Variants in DNAH11 observed in about 807,000 individuals in gnomAD.
DNAH11 encodes dynein axonemal heavy chain 11.
DNAH11 carries 442 observed loss-of-function variants against 526.0 expected under a neutral mutation model. The observed-to-expected ratio is 0.84, with a 90% CI of 0.78 to 0.91. The LOEUF (loss-of-function observed/expected upper bound fraction) is 0.91. DNAH11 is among the 40% of genes least tolerant of loss of function. The pLI, the probability that DNAH11 is intolerant of heterozygous loss-of-function variation, is 0.00. For synonymous variants in DNAH11, 2,461 were observed against 1,935.9 expected, an observed-to-expected ratio of 1.27 and a Z score of -7.12; for missense variants, 6,989 against 5,448.7, an observed-to-expected ratio of 1.28 and a Z score of -8.90.
At chr7:21,592,375 A>G (rs2128444077) in intron 14 of DNAH11, among the ~76,000 whole-genome samples, 1 of 152,340 alleles carries the variant, frequency 6.6e-6, no homozygotes. Context: ...AACATTCTGG[A>G]GAGCAAAAGT....
intron 35 of DNAH11, among the ~76,000 whole-genome samples, chr7:21,692,815 C>T (rs1055753821): frequency 6.6e-6 from 1 of 152,218 alleles, no homozygotes; most frequent in African/African-American, 2.4e-5. Context: ...TAGTTGCTCA[C>T]ATTCTTGTCA....
intron 14 of DNAH11, among the ~76,000 whole-genome samples, chr7:21,596,310 C>T (rs1448234971): frequency 6.6e-6 from 1 of 152,142 alleles, no homozygotes; most frequent in African/African-American, 2.4e-5. Flanking sequence ...GTGGGCAGGG[C>T]CATGCTCCCT....
intron 25 of DNAH11, among the ~76,000 whole-genome samples, chr7:21,626,623 A>G (rs536864350): frequency 1.9e-4 from 29 of 151,908 alleles, no homozygotes; most frequent in Admixed American, 2.0e-4. Flanking sequence ...ATTTTTGCCT[A>G]TCTTTCTGGT....
Position 21,658,784 on chromosome 7 carries a change from A to C in DNAH11, c.5095-14A>C. On this transcript the variant is annotated splice_polypyrimidine_tract_variant and intron_variant, in intron 29 of 81. Transcript: ENST00000409508. The stretch of plus-strand genomic sequence containing the variant: ...GTTAAGCCTGTGTTATAACATTTCA[A>C]CTTGCTTCCAAAGGTGGAAACATGG... The C allele has an allele frequency of 6.5e-7, 1 of 1,549,402 alleles. No individual in the cohort carries two copies.
Position 21,901,406 on chromosome 7 carries a change from A to ATTCTAACTTTTT in DNAH11, c.*152_*153insTTCTAACTTTTT. 8.9e-7 allele frequency: 1 copy of ATTCTAACTTTTT among 1,121,170 alleles called. No individual in the cohort carries two copies. The highest frequency in any genetic ancestry group is 2.9e-5 in the East Asian group (1 of 34,318). 69.5% of individuals were successfully genotyped at this position (1,121,170 alleles called of 1,614,324 possible). A position where few individuals can be genotyped will look rare whatever the true frequency, so the allele number is the denominator to read the frequency against. ...CTATCCTTAGAGTGAAAGTCAGAAA[A>ATTCTAACTTTTT]AAATACTAGAAACTAACTCAGGGCT... On this transcript the variant is annotated 3_prime_UTR_variant, in exon 82 of 82. Coordinates refer to ENST00000409508, the MANE Select transcript of DNAH11 (RefSeq NM_001277115.2).
chr7:21,793,019 A>C (rs191098096), intron 61 of DNAH11, among the ~76,000 whole-genome samples: 1 of 152,214 alleles, frequency 6.6e-6, no homozygotes, highest in African/African-American at 2.4e-5. Flanking sequence ...GTATTGCTGT[A>C]AGCTTCTCTC....
At position 21,733,140 on chromosome 7, in the gene DNAH11, G is replaced by A. The variant is rs192212037; in HGVS notation, c.7441-2500G>A. ...AGTGACTCAAGCCTGTAATTGCAGC[G>A]CTTTGGGAGGCCGAGGTGGGTGGAT... On this transcript the variant is annotated intron_variant, in intron 45 of 81. Coordinates refer to ENST00000409508, the MANE Select transcript of DNAH11 (RefSeq NM_001277115.2). Among the ~76,000 whole-genome samples, 355 of 152,270 alleles carry A rather than the reference G, an allele frequency of 2.3e-3. 2 individuals carry two copies. The highest frequency in any genetic ancestry group is 6.8e-3 in the African/African-American group (284 of 41,550).
intron 61 of DNAH11, among the ~76,000 whole-genome samples, chr7:21,793,579 G>A (rs1415659048): frequency 1.4e-5 from 2 of 147,148 alleles, no homozygotes; most frequent in Non-Finnish European, 3.0e-5. Flanking sequence ...TCGTGCCATT[G>A]CACTCCAGCC....
Position 21,570,156 on chromosome 7 carries a change from A to G in DNAH11, c.1282A>G (p.Lys428Glu). The change falls in exon 7 of 82, where the codon AAG becomes GAG. Residue 428 changes from lysine to glutamate, a missense_variant. Lys to Glu is a moderately conservative substitution (Grantham distance 56, BLOSUM62 1). Coordinates refer to ENST00000409508, the MANE Select transcript of DNAH11 (RefSeq NM_001277115.2). ...GGTGCAGGTGGCTGTTAACATCTTAAAGACTTTCAAAAACTCCTTTTTCAA... is the reference window on the plus strand; with the variant it reads ...GGTGCAGGTGGCTGTTAACATCTTAGAGACTTTCAAAAACTCCTTTTTCAA... The part of the protein sequence containing the change: ...EKVQVAVNIL[K>E]TFKNSFFNYR... The G allele has an allele frequency of 1.9e-6, 3 of 1,613,452 alleles. No individual in the cohort carries two copies. The highest frequency in any genetic ancestry group is 1.7e-6 in the Non-Finnish European group (2 of 1,179,704).
In DNAH11 at chr7:21,868,980, G is replaced by A. The variant is rs1431407809; in HGVS notation, c.11956G>A (p.Val3986Ile). 2.5e-6 allele frequency: 4 copies of A among 1,613,964 alleles called. No homozygotes were observed. Among genetic ancestry groups the A allele is most frequent in the East Asian group, 2.2e-5 (1 of 44,882 alleles). Reference sequence around the variant, plus strand: ...GAAAGCTTCCAAAGGAGGACACTGGGTCATCCTCCAAGTGAGTATTAAGTT... The same window carrying A: ...GAAAGCTTCCAAAGGAGGACACTGGATCATCCTCCAAGTGAGTATTAAGTT... The part of the protein sequence containing the change: ...LEKASKGGHW[V>I]ILQNVHLVAK... The change falls in exon 73 of 82, where the codon GTC (valine) becomes ATC (isoleucine). Residue 3986 changes from valine to isoleucine, a missense_variant. Val to Ile is a conservative substitution (Grantham distance 29). Coordinates refer to ENST00000409508, the MANE Select transcript of DNAH11 (RefSeq NM_001277115.2).
chr7:21,777,902 A>G (rs1787748396), intron 56 of DNAH11, among the ~76,000 whole-genome samples: 1 of 152,372 alleles, frequency 6.6e-6, no homozygotes, highest in South Asian at 2.1e-4. Flanking sequence ...GCGTCGTTCC[A>G]CAAGATGAAA....
chr7:21,859,300 G>A (rs945637306), intron 68 of DNAH11, among the ~76,000 whole-genome samples: 3 of 152,116 alleles, frequency 2.0e-5, no homozygotes, highest in Admixed American at 2.0e-4. Context: ...TTTTGGTAGA[G>A]ATGGGGTTTC....
chr7:21,894,694 A>G lies in DNAH11; in HGVS notation c.12822A>G (p.Lys4274=). The part of the protein sequence containing the change: ...EEFNMAEIMQ[K]NSNRSPYVLV... ...TCAACATGGCAGAGATAATGCAAAA[A>G]AATTCAAATAGAAGCCCATATGTTC... Residue 4274 remains lysine, a synonymous_variant, in exon 78 of 82, where the codon AAA becomes AAG. Transcript: ENST00000409508. 6.2e-7 allele frequency: 1 copy of G among 1,614,002 alleles called. No homozygotes were observed. Among genetic ancestry groups the G allele is most frequent in the Non-Finnish European group, 8.5e-7 (1 of 1,179,902 alleles).
chr7:21,663,048 T>C (rs1782296210), intron 30 of DNAH11, among the ~76,000 whole-genome samples: 1 of 152,086 alleles, frequency 6.6e-6, no homozygotes, highest in Non-Finnish European at 1.5e-5. Flanking sequence ...ACACATTGTT[T>C]AGCTCCCACT....
intron 35 of DNAH11, among the ~76,000 whole-genome samples, chr7:21,697,795 C>T (rs1256035876): frequency 2.6e-5 from 4 of 152,200 alleles, no homozygotes; most frequent in African/African-American, 4.8e-5. Flanking sequence ...TCTGCAGTGA[C>T]AACTTACACC....
chr7:21,858,800 G>A (rs370147768), intron 68 of DNAH11, among the ~76,000 whole-genome samples: 2 of 152,068 alleles, frequency 1.3e-5, no homozygotes, highest in Non-Finnish European at 2.9e-5. Context: ...TGATTGCTAC[G>A]GTTATTGTTA....
intron 71 of DNAH11, 79 bp downstream of exon 71, chr7:21,866,742 T>C: frequency 1.4e-6 from 2 of 1,414,656 alleles, no homozygotes; most frequent in Non-Finnish European, 1.9e-6. Flanking sequence ...GAGGATCTGG[T>C]GGAAGTGTTT....
intron 40 of DNAH11, among the ~76,000 whole-genome samples, chr7:21,708,713 A>C (rs538775348): frequency 2.7e-3 from 407 of 152,126 alleles, no homozygotes; most frequent in Non-Finnish European, 3.5e-3. Context: ...CTATTCCTTG[A>C]ACTTGCTCCC....
chr7:21,853,697 A>C (rs1782725850), intron 67 of DNAH11, among the ~76,000 whole-genome samples: 1 of 152,196 alleles, frequency 6.6e-6, no homozygotes, highest in South Asian at 2.1e-4. Context: ...TAAAACTGAT[A>C]TGTTGGTTGA....
Sources: allele counts gnomAD v4.1 joint callset (sites outside exome capture counted in the v4.1 genomes callset), GRCh38; gene constraint gnomAD v4.1.1; transcripts MANE v1.5; gene names NCBI Gene and HGNC (gene_info 2026-07-23, HGNC 2026-07-21).